GATB: variants seen among roughly 807,000 people sequenced by gnomAD.
The protein encoded by GATB is glutamyl-tRNA amidotransferase subunit B.
GATB carries 39 observed loss-of-function variants against 62.3 expected under a neutral mutation model. That is an observed-to-expected ratio of 0.63 (90% CI 0.48 to 0.82). GATB has a LOEUF of 0.82. Ranked by LOEUF, GATB falls within the 40% of genes least tolerant of loss-of-function variation. GATB has a pLI of 0.00. For synonymous variants in GATB, 276 were observed against 258.9 expected, an observed-to-expected ratio of 1.07 and a Z score of -0.63; for missense variants, 670 against 684.0, an observed-to-expected ratio of 0.98 and a Z score of 0.23.
chr4:151,740,318 T>C (rs1739458903), intron 2 of GATB, among the ~76,000 whole-genome samples: 1 of 152,156 alleles, frequency 6.6e-6, no homozygotes, highest in Non-Finnish European at 1.5e-5. Flanking sequence ...ATCGTAAGAG[T>C]GTACTCATAC....
At chr4:151,753,243 G>A (rs1166778006) in intron 2 of GATB, among the ~76,000 whole-genome samples, 1 of 152,144 alleles carries the variant, frequency 6.6e-6, no homozygotes, top group Non-Finnish European at 1.5e-5. Context: ...CAGCTGCAGA[G>A]GGTCAGGTAG....
At chr4:151,716,364 C>T (rs1221658832) in intron 4 of GATB, 2 of 459,834 alleles carry the variant, frequency 4.3e-6, no homozygotes, top group African/African-American at 4.1e-5. Flanking sequence ...CTCACTGCAG[C>T]CCTGAACTTT....
chr4:151,739,557 G>A (rs940035074), intron 2 of GATB, among the ~76,000 whole-genome samples: 14 of 152,234 alleles, frequency 9.2e-5, no homozygotes, highest in African/African-American at 3.4e-4. Flanking sequence ...GAGAGGCCAA[G>A]CCAATGGCCT....
intron 8 of GATB, 103 bp from the exon 9 acceptor site, chr4:151,701,621 G>T: frequency 1.2e-6 from 1 of 801,716 alleles, no homozygotes; most frequent in Non-Finnish European, 1.8e-6. Flanking sequence ...TAGATGCCAT[G>T]TTACTTGCAA....
At chr4:151,722,143 G>T in intron 2 of GATB, 1 of 696,594 alleles carries the variant, frequency 1.4e-6, no homozygotes, top group Non-Finnish European at 2.6e-6. Context: ...GCTTGTGACA[G>T]ATGGAAGTCC....
chr4:151,712,135 C>T (rs1474691627), intron 5 of GATB, among the ~76,000 whole-genome samples: 4 of 152,144 alleles, frequency 2.6e-5, no homozygotes, highest in Admixed American at 1.3e-4. Context: ...GCATGAGTTT[C>T]GGTCTCTCCC....
At chr4:151,744,443 A>G (rs1739555896) in intron 2 of GATB, among the ~76,000 whole-genome samples, 1 of 152,184 alleles carries the variant, frequency 6.6e-6, no homozygotes, top group Non-Finnish European at 1.5e-5. Context: ...CAACTGTATG[A>G]AACAAATACA....
intron 6 of GATB, among the ~76,000 whole-genome samples, chr4:151,706,630 G>A (rs571970407): frequency 2.0e-4 from 30 of 151,564 alleles, no homozygotes; most frequent in African/African-American, 6.3e-4. Flanking sequence ...TAAGCTATCC[G>A]TTTGACCACT....
chr4:151,717,303 T>C, intron 3 of GATB: 1 of 544,470 alleles, frequency 1.8e-6, no homozygotes, highest in Non-Finnish European at 3.3e-6. Context: ...CCTCCACCCC[T>C]GATAACGATG....
chr4:151,682,691 C>T (rs6839738), intron 10 of GATB, among the ~76,000 whole-genome samples: 23,903 of 151,824 alleles, frequency 0.16, 2,388 homozygotes, highest in African/African-American at 0.29. Flanking sequence ...CAACCACCCC[C>T]GACCCCCCGT....
intron 5 of GATB, among the ~76,000 whole-genome samples, chr4:151,711,007 A>G (rs917329726): frequency 3.3e-5 from 5 of 152,028 alleles, no homozygotes; most frequent in African/African-American, 1.2e-4. Flanking sequence ...TCATCTTCCA[A>G]TTTCGGTAAA....
At chr4:151,728,775 T>C (rs112414457) in intron 2 of GATB, among the ~76,000 whole-genome samples, 2,027 of 152,352 alleles carry the variant, frequency 0.013, 42 homozygotes, top group African/African-American at 0.046. Context: ...ATTTACTTTC[T>C]TCTTTATATA....
rs554751665 is a variant in GATB at position 151,732,785 on chromosome 4, A to C, written c.328-13247T>G. The stretch of plus-strand genomic sequence containing the variant: ...TAAGAAACAAAGATCTGTGAATACT[A>C]TCATTATAATTTTGTTCAAAAACAT... On this transcript the variant is annotated intron_variant, in intron 2 of 12. Coordinates refer to ENST00000263985, the MANE Select transcript of GATB (RefSeq NM_004564.3). Among the ~76,000 whole-genome samples the C allele has an allele frequency of 9.9e-5, 15 of 151,756 alleles. No homozygotes were observed. The South Asian group carries it at 2.9e-3, about 29-fold the overall frequency.
At chr4:151,675,135 C>T (rs972205383) in intron 11 of GATB, 1 of 152,094 alleles carries the variant, frequency 6.6e-6, no homozygotes, top group African/African-American at 2.4e-5. Flanking sequence ...CCAATCACAC[C>T]ATTCAGAAGG....
At position 151,688,547 on chromosome 4, in the gene GATB, CA is replaced by C. The variant is rs1018969583; in HGVS notation, c.1331+82del. 83 of 1,406,860 alleles carry C rather than the reference CA, an allele frequency of 5.9e-5. No homozygotes were observed. The East Asian group carries it at 9.6e-4, about 16-fold the overall frequency. 87.1% of individuals were successfully genotyped at this position (1,406,860 alleles called of 1,614,324 possible). On this transcript the variant is annotated intron_variant, in intron 10 of 12. Transcript: ENST00000263985. Reference sequence around the variant, plus strand: ...ATATCCTGAGGGAGAACAGCAGGAGCAAAAAAATGGACCTGCCCTATTTCCA... The same window carrying C: ...ATATCCTGAGGGAGAACAGCAGGAGCAAAAAATGGACCTGCCCTATTTCCA...
chr4:151,751,688 C>T (rs574233546), intron 2 of GATB, among the ~76,000 whole-genome samples: 1 of 152,248 alleles, frequency 6.6e-6, no homozygotes, highest in South Asian at 2.1e-4. Context: ...TTACATGTTT[C>T]TCTCCTAAGC....
At chr4:151,758,959 T>C (rs1268967967) in intron 1 of GATB, 37 bp from the exon 2 acceptor site, 1 of 1,458,796 alleles carries the variant, frequency 6.9e-7, no homozygotes, top group Non-Finnish European at 9.3e-7. Context: ...ATGTATTATA[T>C]TTGTCACCAT....
At chr4:151,703,963 G>A in intron 7 of GATB, 68 bp from the exon 8 acceptor site, 1 of 1,107,118 alleles carries the variant, frequency 9.0e-7, no homozygotes, top group Admixed American at 2.0e-5. Context: ...TGTGGGGAAG[G>A]GCTCCCCTAC....
chr4:151,713,656 A>G (rs78947669), intron 5 of GATB, among the ~76,000 whole-genome samples: 1,930 of 152,332 alleles, frequency 0.013, 40 homozygotes, highest in African/African-American at 0.044. Flanking sequence ...ACCTACAGCT[A>G]GAAGTTGCAG....
Sources: gnomAD v4.1 joint callset for allele counts (sites outside exome capture counted in the v4.1 genomes callset) on GRCh38, gnomAD v4.1.1 for gene constraint, MANE v1.5 for transcripts, NCBI Gene and HGNC (gene_info 2026-07-23, HGNC 2026-07-21) for gene names.